The following WDR37 variants were observed in gnomAD, a reference collection of about 807,000 sequenced individuals.
WDR37 encodes WD repeat-containing protein 37.
A neutral mutation model predicts 62.9 loss-of-function variants in WDR37; 19 were observed. That is an observed-to-expected ratio of 0.30 (90% CI 0.21 to 0.44). The LOEUF is 0.44. Among genes scored for constraint, WDR37 ranks in the 20% least tolerant of loss-of-function variants. The probability of loss-of-function intolerance (pLI) is 1.00; values close to 1 mark genes in which losing one functional copy is unlikely to be tolerated. For synonymous variants in WDR37, 250 were observed against 260.9 expected (o/e 0.96, Z 0.40); for missense variants, 474 against 657.6 (o/e 0.72, Z 3.05).
At chr10:1,078,131 TA>T (rs750139447) in intron 3 of WDR37, 128 bp downstream of exon 3, 1 of 634,210 alleles carries the variant, frequency 1.6e-6, no homozygotes, top group Non-Finnish European at 2.6e-6. Context: ...TTTAGTGGCT[TA>T]AACTAACACA....
Position 1,080,458 on chromosome 10 carries a change from C to A in WDR37, c.378C>A (p.Tyr126Ter). ...TCTCCCAGAAACTGAAGACCACTTA[C>A]AAGGCTTCCACCAGCAAGGTATGCA... is the stretch of plus-strand genomic sequence containing the variant. ...SQLSQKLKTT[Y>*]KASTSKIVSS... The change falls in exon 5 of 14, where the codon TAC (tyrosine) becomes TAA (stop). Residue 126 changes from tyrosine (Y) to a stop codon, truncating the protein, a stop_gained. Coordinates refer to ENST00000263150, the MANE Select transcript of WDR37 (RefSeq NM_014023.4). LOFTEE classifies it high-confidence loss of function. 1 of 1,614,214 alleles carries A rather than the reference C, an allele frequency of 6.2e-7. No homozygotes were observed. Among genetic ancestry groups the A allele is most frequent in the Non-Finnish European group, 8.5e-7 (1 of 1,180,038 alleles).
At chr10:1,063,039 T>C (rs1452313815) in intron 1 of WDR37, among the ~76,000 whole-genome samples, 1 of 151,430 alleles carries the variant, frequency 6.6e-6, no homozygotes. Context: ...TGAGCCAAGA[T>C]TGTGCCATTG....
At chr10:1,077,476 G>A (rs890844794) in intron 2 of WDR37, among the ~76,000 whole-genome samples, 1 of 152,068 alleles carries the variant, frequency 6.6e-6, no homozygotes, top group African/African-American at 2.4e-5. Context: ...TGGGTGTGGC[G>A]GGAACTCTGC....
chr10:1,120,953 C>T (rs1835559266), intron 11 of WDR37, among the ~76,000 whole-genome samples: 1 of 152,228 alleles, frequency 6.6e-6, no homozygotes, highest in African/African-American at 2.4e-5. Flanking sequence ...TGTTCCAGAC[C>T]AGGCAGTGGT....
At chr10:1,062,153 A>T (rs1207543116) in intron 1 of WDR37, among the ~76,000 whole-genome samples, 1 of 152,168 alleles carries the variant, frequency 6.6e-6, no homozygotes, top group Non-Finnish European at 1.5e-5. Context: ...AGTATGAAAA[A>T]ATCTGTATTT....
chr10:1,125,111 T>C, intron 13 of WDR37, 87 bp downstream of exon 13: 6 of 1,513,876 alleles, frequency 4.0e-6, no homozygotes, highest in Middle Eastern at 1.9e-4. Context: ...TTACTAAGTC[T>C]TTGCATGCTA....
At chr10:1,122,634 G>C (rs1330343461) in intron 11 of WDR37, among the ~76,000 whole-genome samples, 1 of 152,236 alleles carries the variant, frequency 6.6e-6, no homozygotes, top group African/African-American at 2.4e-5. Context: ...GGGAAAGTAA[G>C]GTTTTTATCA....
intron 1 of WDR37, among the ~76,000 whole-genome samples, chr10:1,065,893 CTTTTT>C (rs35577994): frequency 2.1e-5 from 3 of 145,462 alleles, no homozygotes; most frequent in Non-Finnish European, 4.6e-5. Flanking sequence ...TAAAACTGTC[CTTTTT>C]TTTTTTAGAT....
At chr10:1,088,184 C>G (rs1370605074) in intron 7 of WDR37, among the ~76,000 whole-genome samples, 2 of 152,190 alleles carry the variant, frequency 1.3e-5, no homozygotes, top group Non-Finnish European at 2.9e-5. Context: ...TTTAATCAGT[C>G]CCCACCACTC....
intron 1 of WDR37, among the ~76,000 whole-genome samples, chr10:1,066,299 G>A (rs1310922919): frequency 6.6e-6 from 1 of 152,138 alleles, no homozygotes; most frequent in Non-Finnish European, 1.5e-5. Context: ...GTATTTTTTA[G>A]TAGAGACGGG....
At position 1,126,560 on chromosome 10, in the gene WDR37, C is replaced by T. The variant is rs568295313; in HGVS notation, c.1353+1536C>T. On this transcript the variant is annotated intron_variant, in intron 13 of 13. Transcript: ENST00000263150. ...TGTGTGAGTAAATGGATTTGTTCCC[C>T]GAGGCCTCCTGTGGCTGCACAGGGC... Among the ~76,000 whole-genome samples, 7 of 152,306 alleles carry T rather than the reference C, an allele frequency of 4.6e-5. No homozygotes were observed. The South Asian group carries it at 8.3e-4, about 18-fold the overall frequency.
rs1589111812 is a variant in WDR37 at position 1,105,820 on chromosome 10, C to T, written c.1103+553C>T. On this transcript the variant is annotated intron_variant, in intron 11 of 13. Transcript: ENST00000263150. The surrounding 1 kb of genome is among the most constrained non-coding windows in gnomAD (Gnocchi z 5.3). ...TTTTTTTCTGAGACGGAGTCTCGCT[C>T]TGTCGCCCAGGCTGGAGTGCAGTGG... Among the ~76,000 whole-genome samples, 1 of 152,072 alleles carries T rather than the reference C, an allele frequency of 6.6e-6. No individual in the cohort carries two copies. The highest frequency in any genetic ancestry group is 1.5e-5 in the Non-Finnish European group (1 of 68,016).
intron 11 of WDR37, among the ~76,000 whole-genome samples, chr10:1,108,877 C>A (rs1835115627): frequency 6.6e-6 from 1 of 152,150 alleles, no homozygotes; most frequent in Non-Finnish European, 1.5e-5. Flanking sequence ...TCTGTCAGAG[C>A]TTTGAGAATT....
chr10:1,117,707 CG>C (rs1835448946), intron 11 of WDR37, among the ~76,000 whole-genome samples: 1 of 152,174 alleles, frequency 6.6e-6, no homozygotes, highest in Non-Finnish European at 1.5e-5. Flanking sequence ...ATACGCAGAG[CG>C]GGCAGCATGG....
At chr10:1,091,675 C>T (rs1834392500) in intron 7 of WDR37, among the ~76,000 whole-genome samples, 2 of 152,176 alleles carry the variant, frequency 1.3e-5, no homozygotes, top group African/African-American at 4.8e-5. Flanking sequence ...TAGCTCACCC[C>T]ATCCCAATTC....
At chr10:1,081,945 G>C (rs1278710489) in intron 5 of WDR37, among the ~76,000 whole-genome samples, 3 of 152,118 alleles carry the variant, frequency 2.0e-5, no homozygotes, top group African/African-American at 7.2e-5. Flanking sequence ...CAAGGGTAAG[G>C]ATATGTATAG....
chr10:1,098,588 G>A (rs1834680145), intron 9 of WDR37, among the ~76,000 whole-genome samples: 1 of 152,164 alleles, frequency 6.6e-6, no homozygotes, highest in African/African-American at 2.4e-5. Context: ...GCCTCCCAAA[G>A]TGCTGGGATT....
chr10:1,111,975 C>T (rs1160821085), intron 11 of WDR37, among the ~76,000 whole-genome samples: 1 of 151,862 alleles, frequency 6.6e-6, no homozygotes, highest in African/African-American at 2.4e-5. Context: ...AATCTCGGCT[C>T]ACTGCAACCT....
chr10:1,074,572 C>T (rs534327070), intron 2 of WDR37: 54 of 1,284,398 alleles, frequency 4.2e-5, no homozygotes, highest in Non-Finnish European at 5.2e-5. Flanking sequence ...TGAGTGGCCC[C>T]CGTGAGGTGC....
Sources: allele counts gnomAD v4.1 joint callset (sites outside exome capture counted in the v4.1 genomes callset), GRCh38; gene constraint gnomAD v4.1.1; non-coding constraint Gnocchi (gnomAD v3.1); transcripts MANE v1.5; gene names NCBI Gene and HGNC (gene_info 2026-07-23, HGNC 2026-07-21).